The following ZC3H12B variants were observed in gnomAD, a reference collection of about 807,000 sequenced individuals.
The protein encoded by ZC3H12B is probable ribonuclease ZC3H12B.
A neutral mutation model predicts 43.9 loss-of-function variants in ZC3H12B; 7 were observed. The observed-to-expected ratio is 0.16, with a 90% CI of 0.09 to 0.30. ZC3H12B has a LOEUF of 0.30. Ranked by LOEUF, ZC3H12B falls within the 10% of genes least tolerant of loss-of-function variation. ZC3H12B has a pLI of 1.00. For synonymous variants in ZC3H12B, 222 were observed against 241.7 expected (o/e 0.92, Z 0.76); for missense variants, 475 against 670.2 (o/e 0.71, Z 3.22).
the ZC3H12B span, among the ~76,000 whole-genome samples, chrX:65,044,988 G>A: frequency 9.1e-6 from 1 of 109,356 alleles, no homozygotes; most frequent in East Asian, 2.9e-4. Context: ...AAAAAGTTAT[G>A]TTTATACTAT....
At chrX:65,386,063 A>G (rs1385175267) in intron 2 of ZC3H12B, among the ~76,000 whole-genome samples, 1 of 111,969 alleles carries the variant, frequency 8.9e-6, no homozygotes, top group Non-Finnish European at 1.9e-5. Flanking sequence ...TTTATTGAAG[A>G]TTTGTGCATT....
At chrX:65,062,821 C>T in the ZC3H12B span, among the ~76,000 whole-genome samples, 2 of 111,513 alleles carry the variant, frequency 1.8e-5, no homozygotes, top group African/African-American at 6.5e-5. Context: ...TGTTTGTGTC[C>T]GAGGTCTATT....
chrX:65,118,818 G>T, the ZC3H12B span, among the ~76,000 whole-genome samples: 1 of 81,131 alleles, frequency 1.2e-5, no homozygotes, highest in Non-Finnish European at 2.3e-5. Context: ...CCCCACAACA[G>T]GCCCCGGTGT....
At chrX:65,207,652 C>T in the ZC3H12B span, among the ~76,000 whole-genome samples, 10 of 105,044 alleles carry the variant, frequency 9.5e-5, no homozygotes, top group Admixed American at 9.4e-4. Context: ...ATTGACTTGG[C>T]AATGCGGGCT....
At chrX:65,212,260 A>AAT in the ZC3H12B span, among the ~76,000 whole-genome samples, 9 of 47,861 alleles carry the variant, frequency 1.9e-4, no homozygotes, top group African/African-American at 1.1e-3. Context: ...AATATATAAT[A>AAT]TATTATATAA....
chrX:65,456,893 C>T (rs1219831085), intron 3 of ZC3H12B, among the ~76,000 whole-genome samples: 1 of 108,870 alleles, frequency 9.2e-6, no homozygotes, highest in Admixed American at 9.7e-5. Flanking sequence ...GCGTCTCTGC[C>T]TGGCCGCCCA....
At chrX:65,422,389 T>C (rs1291481071) in intron 3 of ZC3H12B, among the ~76,000 whole-genome samples, 1 of 112,141 alleles carries the variant, frequency 8.9e-6, no homozygotes, top group Admixed American at 9.4e-5. Flanking sequence ...TCTGACCATT[T>C]GTTGGTCTAT....
chrX:65,236,217 C>T, the ZC3H12B span, among the ~76,000 whole-genome samples: 1 of 111,938 alleles, frequency 8.9e-6, no homozygotes, highest in Non-Finnish European at 1.9e-5. Flanking sequence ...GCTTTCAACT[C>T]TCTTTGATTT....
the ZC3H12B span, among the ~76,000 whole-genome samples, chrX:65,306,469 T>C: frequency 9.0e-6 from 1 of 110,967 alleles, no homozygotes; most frequent in South Asian, 3.8e-4. Flanking sequence ...GCCTCCTGGG[T>C]TCTAGCAATT....
the ZC3H12B span, among the ~76,000 whole-genome samples, chrX:65,158,590 G>A: frequency 6.5e-4 from 73 of 111,644 alleles, no homozygotes; most frequent in African/African-American, 1.9e-3. Flanking sequence ...GTGTCTGTTC[G>A]TGTCCTTCAC....
chrX:65,412,832 T>C (rs2066919336), intron 3 of ZC3H12B, among the ~76,000 whole-genome samples: 1 of 88,971 alleles, frequency 1.1e-5, no homozygotes, highest in African/African-American at 1.1e-4. Flanking sequence ...GTAAATTCTG[T>C]TTTGTTTTGT....
At chrX:65,191,584 C>T in the ZC3H12B span, among the ~76,000 whole-genome samples, 9 of 103,881 alleles carry the variant, frequency 8.7e-5, no homozygotes, top group Admixed American at 3.0e-4. Flanking sequence ...AGTTTATTTG[C>T]ATAGAGGTGT....
the ZC3H12B span, among the ~76,000 whole-genome samples, chrX:65,084,764 C>T: frequency 2.7e-5 from 3 of 112,573 alleles, no homozygotes; most frequent in Non-Finnish European, 3.8e-5. Context: ...TGGGTATATA[C>T]CCAAATAATG....
At chrX:65,153,330 C>T in the ZC3H12B span, among the ~76,000 whole-genome samples, 1 of 111,865 alleles carries the variant, frequency 8.9e-6, no homozygotes, top group African/African-American at 3.2e-5. Context: ...TTGCAACCTA[C>T]TCATCTGACA....
At chrX:65,344,953 G>A in the ZC3H12B span, among the ~76,000 whole-genome samples, 1 of 112,095 alleles carries the variant, frequency 8.9e-6, no homozygotes, top group Non-Finnish European at 1.9e-5. Context: ...ATGAGGAAAA[G>A]CTCAACATCA....
At chrX:65,187,677 T>C in the ZC3H12B span, among the ~76,000 whole-genome samples, 4 of 109,242 alleles carry the variant, frequency 3.7e-5, no homozygotes, top group Non-Finnish European at 7.6e-5. Flanking sequence ...TTTTACTTTT[T>C]TCTGGTACGT....
chrX:65,194,964 A>G, the ZC3H12B span, among the ~76,000 whole-genome samples: 2 of 111,339 alleles, frequency 1.8e-5, no homozygotes, highest in South Asian at 3.7e-4. Flanking sequence ...AATTTATTTT[A>G]TCTTCAATAA....
At chrX:65,310,605 C>G in the ZC3H12B span, among the ~76,000 whole-genome samples, 1 of 111,971 alleles carries the variant, frequency 8.9e-6, no homozygotes, top group Non-Finnish European at 1.9e-5. Context: ...CTATCCCCAT[C>G]AAGCTACCAA....
the ZC3H12B span, among the ~76,000 whole-genome samples, chrX:65,254,552 A>G: frequency 8.9e-6 from 1 of 112,343 alleles, no homozygotes; most frequent in East Asian, 2.8e-4. Flanking sequence ...AGCAAAAGGA[A>G]AAACACATTC....
Sources: gnomAD v4.1 joint callset for allele counts (sites outside exome capture counted in the v4.1 genomes callset) on GRCh38, gnomAD v4.1.1 for gene constraint, MANE v1.5 for transcripts, NCBI Gene and HGNC (gene_info 2026-07-23, HGNC 2026-07-21) for gene names.